The following GUCD1 variants were observed in gnomAD, a reference collection of about 807,000 sequenced individuals.
GUCD1 encodes protein GUCD1.
A neutral mutation model predicts 28.3 loss-of-function variants in GUCD1; 17 were observed. That is an observed-to-expected ratio of 0.60 (90% CI 0.41 to 0.90). The LOEUF is 0.90. GUCD1 is among the 40% of genes least tolerant of loss of function. GUCD1 has a pLI of 0.00. For missense variants in GUCD1, 279 were observed against 305.5 expected, an observed-to-expected ratio of 0.91 and a Z score of 0.65; for synonymous variants, 129 against 123.3, an observed-to-expected ratio of 1.05 and a Z score of -0.30.
intron 3 of GUCD1, 190 bp downstream of exon 3, chr22:24,547,718 A>C: frequency 1.7e-6 from 1 of 594,622 alleles, no homozygotes; most frequent in Non-Finnish European, 3.0e-6. Flanking sequence ...CCCGACTGCA[A>C]GGGCACCTGC....
At position 24,541,449 on chromosome 22, in the gene GUCD1, G is replaced by C. The variant is rs200053659; in HGVS notation, c.*1557C>G. Reference sequence around the variant, plus strand: ...TCGAGACCAGCCTGGCCAACATGGCGAAGCCTGGTCTCTACTAAAAATACA... The same window carrying C: ...TCGAGACCAGCCTGGCCAACATGGCCAAGCCTGGTCTCTACTAAAAATACA... On this transcript the variant is annotated 3_prime_UTR_variant, in exon 6 of 6. Transcript: ENST00000435822. 1 of 152,206 alleles carries C rather than the reference G, an allele frequency of 6.6e-6. No individual in the cohort carries two copies. The highest frequency in any genetic ancestry group is 1.5e-5 in the Non-Finnish European group (1 of 68,060). The allele number at this position is 152,206 out of a possible 1,614,324, so 9.4% of individuals were successfully genotyped here.
At position 24,549,010 on chromosome 22, in the gene GUCD1, A is replaced by T; in HGVS notation, c.44-9T>A. 2 of 1,559,776 alleles carry T rather than the reference A, an allele frequency of 1.3e-6. No individual in the cohort carries two copies. Among genetic ancestry groups the T allele is most frequent in the East Asian group, 4.7e-5 (2 of 42,814 alleles). On this transcript the variant is annotated splice_polypyrimidine_tract_variant and intron_variant, in intron 1 of 5. Coordinates refer to ENST00000435822, the MANE Select transcript of GUCD1 (RefSeq NM_001284254.2). ...CAGTTGCACAAAGTCCCCTGTGCAG[A>T]AACAGAGGGAGGTCACAGACCCTCA...
At position 24,543,938 on chromosome 22, in the gene GUCD1, A is replaced by AGAAGCAGTGGTGGCCACTGGGGGT. The variant is rs1283150670; in HGVS notation, c.508_531dup (p.Thr170_Phe177dup). 6.2e-7 allele frequency: 1 copy of AGAAGCAGTGGTGGCCACTGGGGGT among 1,613,958 alleles called. No homozygotes were observed. The highest frequency in any genetic ancestry group is 8.5e-7 in the Non-Finnish European group (1 of 1,179,976). On this transcript the variant is annotated inframe_insertion, in exon 5 of 6. Transcript: ENST00000435822. ...TGGCCCTGGTAGTCAGGAGTGCGGC[A>AGAAGCAGTGGTGGCCACTGGGGGT]GAAGCAGTGGTGGCCACTGGGGGTG... is the stretch of plus-strand genomic sequence containing the variant.
chr22:24,543,713 G>A (rs963839651), intron 5 of GUCD1, 129 bp downstream of exon 5: 2 of 1,207,280 alleles, frequency 1.7e-6, no homozygotes, highest in Admixed American at 2.2e-5. Flanking sequence ...GAGGAGCAGG[G>A]GCTTTGGGGA....
chr22:24,548,191 CCTT>C, intron 2 of GUCD1, 118 bp from the exon 3 acceptor site: 1 of 826,346 alleles, frequency 1.2e-6, no homozygotes, highest in Non-Finnish European at 1.9e-6. Context: ...AAGTCTCCCT[CCTT>C]CATCATGAGA....
chr22:24,553,153 G>A (rs1030682977), intron 1 of GUCD1, among the ~76,000 whole-genome samples: 1 of 152,176 alleles, frequency 6.6e-6, no homozygotes, highest in Admixed American at 6.5e-5. Flanking sequence ...GCCACACACT[G>A]CCTTTTTGTT....
rs2044654985 is a variant in GUCD1 at position 24,543,862 on chromosome 22, T to C, written c.608A>G (p.Asn203Ser). Residue 203 changes from asparagine to serine, a missense_variant, in exon 5 of 6, where the codon AAC becomes AGC. Coordinates refer to ENST00000435822, the MANE Select transcript of GUCD1 (RefSeq NM_001284254.2). ...CTCACGGTCGGCATAGGCTGGGTTG[T>C]TGTAGAAGATGCAGCCAGTGGCCCG... Reference protein sequence around the residue: ...YNRATGCIFYNNPAYADRMCS... With the variant: ...YNRATGCIFYSNPAYADRMCS... The C allele has an allele frequency of 1.2e-6, 2 of 1,613,866 alleles. No homozygotes were observed. The highest frequency in any genetic ancestry group is 1.7e-6 in the Non-Finnish European group (2 of 1,179,964).
chr22:24,555,615 C>T (rs1270028188), upstream of GUCD1: 1 of 1,550,678 alleles, frequency 6.4e-7, no homozygotes, highest in South Asian at 1.2e-5. Context: ...CCCCCCTTAC[C>T]TGGCGGTGCC....
At chr22:24,553,333 T>C (rs1427221753) in intron 1 of GUCD1, among the ~76,000 whole-genome samples, 1 of 152,200 alleles carries the variant, frequency 6.6e-6, no homozygotes, top group Non-Finnish European at 1.5e-5. Flanking sequence ...GAAATGTTAA[T>C]GTTGTCTCCA....
At position 24,548,084 on chromosome 22, in the gene GUCD1, A is replaced by T; in HGVS notation, c.129-11T>A. 6.2e-7 allele frequency: 1 copy of T among 1,612,628 alleles called. No individual in the cohort carries two copies. Among genetic ancestry groups the T allele is most frequent in the South Asian group, 1.1e-5 (1 of 91,056 alleles). On this transcript the variant is annotated splice_polypyrimidine_tract_variant and intron_variant, in intron 2 of 5. Coordinates refer to ENST00000435822, the MANE Select transcript of GUCD1 (RefSeq NM_001284254.2). Reference sequence around the variant, plus strand: ...AGCTGGCCCAGGTACCTGCAGGTAGACGAGCTGGGGAGCTCAGCTTGGTCT... The same window carrying T: ...AGCTGGCCCAGGTACCTGCAGGTAGTCGAGCTGGGGAGCTCAGCTTGGTCT...
chr22:24,544,127 TC>T, intron 4 of GUCD1, 44 bp from the exon 5 acceptor site: 1 of 1,587,976 alleles, frequency 6.3e-7, no homozygotes, highest in African/African-American at 1.3e-5. Context: ...GGGCCCCCAT[TC>T]CCCATCCCTC....
intron 1 of GUCD1, among the ~76,000 whole-genome samples, chr22:24,552,942 G>A (rs542256375): frequency 6.3e-4 from 96 of 152,164 alleles, no homozygotes; most frequent in Middle Eastern, 6.8e-3. Flanking sequence ...TGGAACTATG[G>A]GCACACGCTA....
chr22:24,547,914 C>T lies in GUCD1; in HGVS notation c.288G>A (p.Lys96=), dbSNP rs1450668516. ...CTGGTGGCTGGTCGCTCACCTGGTT[C>T]TTGTAGCCCTTGTCGACACCCAGGG... The part of the protein sequence containing the change: ...TQTLGVDKGY[K]NQSFYRKHFD... The change falls in exon 3 of 6, where the codon AAG becomes AAA. Residue 96 remains lysine (K), a synonymous_variant. Transcript: ENST00000435822. The T allele has an allele frequency of 1.2e-6, 2 of 1,614,128 alleles. No individual in the cohort carries two copies. Among genetic ancestry groups the T allele is most frequent in the East Asian group, 2.2e-5 (1 of 44,886 alleles).
intron 4 of GUCD1, 34 bp downstream of exon 4, chr22:24,546,880 G>A (rs1453864984): frequency 1.3e-6 from 2 of 1,572,978 alleles, no homozygotes; most frequent in Non-Finnish European, 1.7e-6. Flanking sequence ...GCAGGCATGA[G>A]AGGAAGGGCA....
chr22:24,544,488 T>G (rs1221921614), intron 4 of GUCD1, among the ~76,000 whole-genome samples: 5 of 152,234 alleles, frequency 3.3e-5, no homozygotes, highest in African/African-American at 4.8e-5. Context: ...CATTGAAAAC[T>G]GCCAGCCAAG....
At chr22:24,550,007 A>G (rs981434064) in intron 1 of GUCD1, among the ~76,000 whole-genome samples, 5 of 152,238 alleles carry the variant, frequency 3.3e-5, no homozygotes, top group African/African-American at 1.2e-4. Context: ...CATATGTAAT[A>G]TTCTTGTGAG....
chr22:24,555,859 T>C, upstream of GUCD1: 5 of 1,532,196 alleles, frequency 3.3e-6, no homozygotes, highest in Non-Finnish European at 4.4e-6. Flanking sequence ...ACTATCGTAC[T>C]GGTGCCCTAG....
intron 1 of GUCD1, 37 bp from the exon 2 acceptor site, chr22:24,549,038 G>A (rs770882600): frequency 1.6e-5 from 24 of 1,457,528 alleles, no homozygotes; most frequent in African/African-American, 2.8e-5. Context: ...GACCCTCAGC[G>A]CAGAGCCCAC....
intron 4 of GUCD1, 66 bp from the exon 5 acceptor site, chr22:24,544,149 C>G: frequency 1.9e-6 from 3 of 1,559,588 alleles, no homozygotes; most frequent in Non-Finnish European, 2.6e-6. Flanking sequence ...AAATGGATCC[C>G]TGCTTGTGCC....
Sources: gnomAD v4.1 joint callset for allele counts (sites outside exome capture counted in the v4.1 genomes callset) on GRCh38, gnomAD v4.1.1 for gene constraint, MANE v1.5 for transcripts, NCBI Gene and HGNC (gene_info 2026-07-23, HGNC 2026-07-21) for gene names.